SHANK2: variants seen among roughly 807,000 people sequenced by gnomAD.
SHANK2 encodes SH3 and multiple ankyrin repeat domains 2.
In SHANK2, 43 loss-of-function variants were observed where a neutral mutation model predicts 133.7. The observed-to-expected ratio is 0.32, with a 90% CI of 0.25 to 0.41. The LOEUF (loss-of-function observed/expected upper bound fraction) is 0.41, where lower values mean the gene tolerates loss of function less well. SHANK2 is among the 10% of genes least tolerant of loss of function. The probability of loss-of-function intolerance (pLI) is 1.00; values close to 1 mark genes in which losing one functional copy is unlikely to be tolerated. For missense variants in SHANK2, 1,994 were observed against 2,235.8 expected (o/e 0.89, Z 2.18); for synonymous variants, 1,017 against 952.8 (o/e 1.07, Z -1.24).
At chr11:70,934,920 G>A (rs1207423677) in intron 10 of SHANK2, among the ~76,000 whole-genome samples, 10 of 152,130 alleles carry the variant, frequency 6.6e-5, no homozygotes, top group Non-Finnish European at 1.3e-4. Flanking sequence ...AAACCAAAGC[G>A]ACGCAGCAGC....
intron 11 of SHANK2, among the ~76,000 whole-genome samples, chr11:70,873,537 AGCGGCT>A (rs1322275014): frequency 6.6e-6 from 1 of 152,142 alleles, no homozygotes; most frequent in East Asian, 1.9e-4. Context: ...ATGAAGGAGG[AGCGGCT>A]GCCACACACC....
chr11:70,782,941 C>T (rs932096062), intron 14 of SHANK2, among the ~76,000 whole-genome samples: 19 of 152,152 alleles, frequency 1.2e-4, no homozygotes, highest in Non-Finnish European at 7.3e-5. Context: ...CTAGAATTCA[C>T]GGACCCGCAA....
chr11:70,614,966 T>C (rs2060718586), intron 17 of SHANK2, among the ~76,000 whole-genome samples: 2 of 152,208 alleles, frequency 1.3e-5, no homozygotes, highest in South Asian at 4.1e-4. Context: ...CCCAGGGCCT[T>C]GCTTTAATGG....
At chr11:70,713,429 C>T (rs1052057143) in intron 14 of SHANK2, among the ~76,000 whole-genome samples, 9 of 152,236 alleles carry the variant, frequency 5.9e-5, no homozygotes, top group Admixed American at 1.3e-4. Flanking sequence ...TAGCTGTGTC[C>T]GCTTTCACAG....
At chr11:70,483,613 G>A (rs2135717408) in intron 25 of SHANK2, among the ~76,000 whole-genome samples, 1 of 152,070 alleles carries the variant, frequency 6.6e-6, no homozygotes, top group South Asian at 2.1e-4. Context: ...CAGGAGGCTA[G>A]GTGAGGTGTG....
At chr11:71,137,253 CTT>C (rs10713824) in intron 3 of SHANK2, among the ~76,000 whole-genome samples, 3 of 128,620 alleles carry the variant, frequency 2.3e-5, no homozygotes, top group Non-Finnish European at 1.7e-5. Context: ...TTAGTCTTTT[CTT>C]TTTTTTTAAA....
chr11:70,774,634 T>C (rs1045812435), intron 14 of SHANK2, among the ~76,000 whole-genome samples: 1 of 152,110 alleles, frequency 6.6e-6, no homozygotes, highest in African/African-American at 2.4e-5. Context: ...TTCTAATGGG[T>C]ACAAAATTTC....
intron 14 of SHANK2, among the ~76,000 whole-genome samples, chr11:70,782,847 G>C (rs1425658725): frequency 6.6e-6 from 1 of 152,194 alleles, no homozygotes; most frequent in African/African-American, 2.4e-5. Context: ...CACGCAGCAC[G>C]TCCGCAGCGG....
At chr11:70,559,565 A>G (rs1591580011) in intron 17 of SHANK2, among the ~76,000 whole-genome samples, 1 of 152,294 alleles carries the variant, frequency 6.6e-6, no homozygotes, top group Middle Eastern at 3.4e-3. Context: ...TGGGCGCTCC[A>G]TAGCTTACCT....
Position 70,487,711 on chromosome 11 carries a change from T to C in SHANK2, c.2582A>G (p.Glu861Gly). ...AGGAGCCAGAAACTGCCGCTCTTCC[T>C]CTGTTATTCCTACAAGCAGAAAACA... ...DSRIFLSGIT[E>G]EERQFLAPPM... The change falls in exon 25 of 26, where the codon GAG becomes GGG. Residue 861 changes from glutamate to glycine, a missense_variant. Physicochemically the swap from Glu to Gly is moderately conservative, Grantham distance 98. Coordinates refer to ENST00000601538, the MANE Select transcript of SHANK2 (RefSeq NM_012309.5). The surrounding 1 kb of genome is among the most constrained non-coding windows in gnomAD (Gnocchi z 5.8). 1 of 1,560,512 alleles carries C rather than the reference T, an allele frequency of 6.4e-7. No individual in the cohort carries two copies. The highest frequency in any genetic ancestry group is 8.7e-7 in the Non-Finnish European group (1 of 1,152,088).
chr11:70,573,056 T>A (rs185709126), intron 17 of SHANK2, among the ~76,000 whole-genome samples: 1 of 151,960 alleles, frequency 6.6e-6, no homozygotes, highest in African/African-American at 2.4e-5. Context: ...GGCCCATCAC[T>A]CGGCAACGCG....
chr11:70,742,974 G>C (rs1276757738), intron 14 of SHANK2, among the ~76,000 whole-genome samples: 4 of 152,248 alleles, frequency 2.6e-5, no homozygotes, highest in Non-Finnish European at 5.9e-5. Context: ...CTGGCATCTG[G>C]AATTCTGCAG....
chr11:70,949,930 C>T (rs1555086161), intron 10 of SHANK2, among the ~76,000 whole-genome samples: 1 of 152,240 alleles, frequency 6.6e-6, no homozygotes, highest in Non-Finnish European at 1.5e-5. Context: ...ATCTATGGCT[C>T]ACAGCGCTGG....
chr11:71,107,177 T>G (rs1951814672), intron 6 of SHANK2, among the ~76,000 whole-genome samples: 1 of 151,942 alleles, frequency 6.6e-6, no homozygotes, highest in East Asian at 1.9e-4. Flanking sequence ...CAAAACACAA[T>G]AAACCCCCAA....
chr11:71,182,862 C>G (rs1555113972), intron 2 of SHANK2, among the ~76,000 whole-genome samples: 1 of 152,188 alleles, frequency 6.6e-6, no homozygotes, highest in Non-Finnish European at 1.5e-5. Flanking sequence ...CTCAATGTTT[C>G]TCTCCCACAG....
At chr11:70,821,435 GT>G (rs1948519746) in intron 11 of SHANK2, among the ~76,000 whole-genome samples, 1 of 152,046 alleles carries the variant, frequency 6.6e-6, no homozygotes, top group African/African-American at 2.4e-5. Context: ...TGTTGTTGTT[GT>G]TGTTTTTGAG....
rs143867033 is a variant in SHANK2 at position 70,480,436 on chromosome 11, T to C, written c.4979+4878A>G. 2.4e-3 allele frequency among the ~76,000 whole-genome samples: 362 copies of C among 152,348 alleles called. 4 individuals are homozygous for C. Among genetic ancestry groups the C allele is most frequent in the African/African-American group, 8.3e-3 (347 of 41,574 alleles). ...CGTGGCTCTCTTCTGCACGTGGTTA[T>C]TTTTACCTGCTGGTGCATCACAGCC... On this transcript the variant is annotated intron_variant, in intron 25 of 25. Transcript: ENST00000601538.
rs565753660 is a variant in SHANK2 at position 70,713,141 on chromosome 11, T to G, written c.1778-14378A>C. On this transcript the variant is annotated intron_variant, in intron 14 of 25. Coordinates refer to ENST00000601538, the MANE Select transcript of SHANK2 (RefSeq NM_012309.5). ...ACCAGCCCTGTCGGGCACGTGCCAG[T>G]GGGTCCTCAGCACTCTGACACCACA... 6.6e-5 allele frequency among the ~76,000 whole-genome samples: 10 copies of G among 152,342 alleles called. No individual in the cohort carries two copies. In the South Asian group the frequency reaches 2.1e-3, roughly 32 times the overall value.
At chr11:70,731,404 C>A (rs1240282233) in intron 14 of SHANK2, among the ~76,000 whole-genome samples, 4 of 152,204 alleles carry the variant, frequency 2.6e-5, no homozygotes, top group Non-Finnish European at 4.4e-5. Flanking sequence ...CTGACATACT[C>A]CCCGCTCCTT....
Sources: allele counts gnomAD v4.1 joint callset (sites outside exome capture counted in the v4.1 genomes callset), GRCh38; gene constraint gnomAD v4.1.1; non-coding constraint Gnocchi (gnomAD v3.1); transcripts MANE v1.5; gene names NCBI Gene and HGNC (gene_info 2026-07-23, HGNC 2026-07-21).